CTDSPL2: variants seen among roughly 807,000 people sequenced by gnomAD.
CTDSPL2 encodes the protein CTD small phosphatase like 2.
A neutral mutation model predicts 60.0 loss-of-function variants in CTDSPL2; 5 were observed. That is an observed-to-expected ratio of 0.08 (90% CI 0.04 to 0.18). CTDSPL2 has a LOEUF of 0.18. CTDSPL2 is among the 10% of genes least tolerant of loss of function. The pLI is 1.00. For synonymous variants in CTDSPL2, 186 were observed against 189.3 expected, an observed-to-expected ratio of 0.98 and a Z score of 0.14; for missense variants, 370 against 548.8, an observed-to-expected ratio of 0.67 and a Z score of 3.26.
At chr15:44,439,121 ATAT>A (rs151096962) in intron 1 of CTDSPL2, among the ~76,000 whole-genome samples, 4,001 of 148,988 alleles carry the variant, frequency 0.027, 56 homozygotes, top group Middle Eastern at 0.035. Context: ...CCCAAGCTTT[ATAT>A]TATTATTATT....
intron 1 of CTDSPL2, among the ~76,000 whole-genome samples, chr15:44,444,751 G>A (rs572390292): frequency 2.6e-4 from 35 of 133,924 alleles, no homozygotes; most frequent in African/African-American, 8.8e-4. Context: ...TTTTTTTGGC[G>A]TTTAGATATA....
intron 5 of CTDSPL2, among the ~76,000 whole-genome samples, chr15:44,496,076 A>C (rs2140820849): frequency 6.6e-6 from 1 of 152,338 alleles, no homozygotes; most frequent in East Asian, 1.9e-4. Context: ...AACACCATAC[A>C]ATTAGAAGAT....
In CTDSPL2 at chr15:44,472,709, G is replaced by A. The variant is rs80211032; in HGVS notation, c.187-11515G>A. On this transcript the variant is annotated intron_variant, in intron 2 of 12. Coordinates refer to ENST00000260327, the MANE Select transcript of CTDSPL2 (RefSeq NM_016396.3). ...GAGACAGAGTCTCACTTTGTCACCC[G>A]CTGGAGTGCAGTGGCGCAGTCTCCA... 7.2e-5 allele frequency among the ~76,000 whole-genome samples: 11 copies of A among 152,166 alleles called. No individual in the cohort carries two copies. In the East Asian group the frequency reaches 9.7e-4, roughly 13 times the overall value.
intron 2 of CTDSPL2, among the ~76,000 whole-genome samples, chr15:44,478,689 T>G (rs563862565): frequency 2.0e-5 from 3 of 152,064 alleles, no homozygotes; most frequent in South Asian, 4.1e-4. Flanking sequence ...TTAGAACATG[T>G]CTTGGATTGA....
chr15:44,455,350 A>G (rs907139544), intron 1 of CTDSPL2, among the ~76,000 whole-genome samples: 11 of 152,304 alleles, frequency 7.2e-5, no homozygotes, highest in African/African-American at 1.9e-4. Context: ...TAAATATACA[A>G]TCATGTCATC....
rs883943 is a variant in CTDSPL2, at chr15:44,496,507, G to A, written c.770+49G>A. On this transcript the variant is annotated intron_variant, in intron 6 of 12. Coordinates refer to ENST00000260327, the MANE Select transcript of CTDSPL2 (RefSeq NM_016396.3). ...TTCTTTCCTTTTTGGAGCATGATGA[G>A]AGTACGTTATATATGTGGATTGGTG... is the stretch of plus-strand genomic sequence containing the variant. 62,347 of 1,376,696 alleles carry A rather than the reference G, an allele frequency of 0.045. 3,146 individuals carry two copies. Among genetic ancestry groups the A allele is most frequent in the East Asian group, 0.19 (8,275 of 43,690 alleles). The allele number at this position is 1,376,696 out of a possible 1,614,324, so 85.3% of individuals were successfully genotyped here.
At chr15:44,477,838 CAA>C (rs372324023) in intron 2 of CTDSPL2, among the ~76,000 whole-genome samples, 2 of 136,752 alleles carry the variant, frequency 1.5e-5, no homozygotes, top group Non-Finnish European at 1.6e-5. Context: ...AACGTAGTCT[CAA>C]AAAAAAAAAA....
chr15:44,473,573 G>A (rs2080854459), intron 2 of CTDSPL2, among the ~76,000 whole-genome samples: 1 of 152,066 alleles, frequency 6.6e-6, no homozygotes, highest in African/African-American at 2.4e-5. Flanking sequence ...GGGATTACAG[G>A]CGTGAACCAC....
chr15:44,496,562 C>A, intron 6 of CTDSPL2, 104 bp downstream of exon 6: 1 of 848,658 alleles, frequency 1.2e-6, no homozygotes, highest in South Asian at 1.5e-5. Context: ...AGATATGTGA[C>A]CTGTAGGTAT....
At chr15:44,465,372 A>G (rs2140720150) in intron 2 of CTDSPL2, among the ~76,000 whole-genome samples, 1 of 152,246 alleles carries the variant, frequency 6.6e-6, no homozygotes, top group East Asian at 1.9e-4. Context: ...TCTATTCTTA[A>G]CTAAATGATG....
chr15:44,491,635 C>G (rs980423014), intron 5 of CTDSPL2, among the ~76,000 whole-genome samples: 3 of 152,138 alleles, frequency 2.0e-5, no homozygotes, highest in African/African-American at 7.2e-5. Flanking sequence ...AGAAGGCCAT[C>G]TTCTTATTAG....
chr15:44,446,190 CT>C (rs1487308967), intron 1 of CTDSPL2, among the ~76,000 whole-genome samples: 1 of 152,208 alleles, frequency 6.6e-6, no homozygotes, highest in African/African-American at 2.4e-5. Flanking sequence ...TCCCAAAGTG[CT>C]GGGATTACAG....
chr15:44,435,093 C>T (rs1169616812), intron 1 of CTDSPL2, among the ~76,000 whole-genome samples: 1 of 151,952 alleles, frequency 6.6e-6, no homozygotes, highest in African/African-American at 2.4e-5. Context: ...AACCCTGTCT[C>T]TACTAAAAAT....
chr15:44,501,720 T>C (rs987840585), intron 8 of CTDSPL2, among the ~76,000 whole-genome samples: 1 of 152,198 alleles, frequency 6.6e-6, no homozygotes, highest in African/African-American at 2.4e-5. Context: ...TTATAAGCTA[T>C]AGAGATGATT....
intron 12 of CTDSPL2, among the ~76,000 whole-genome samples, chr15:44,522,498 A>C (rs1449913934): frequency 6.6e-6 from 1 of 152,100 alleles, no homozygotes; most frequent in African/African-American, 2.4e-5. Flanking sequence ...GATGCCTGTA[A>C]TCCCAGTACT....
At chr15:44,478,745 G>T (rs1048638165) in intron 2 of CTDSPL2, among the ~76,000 whole-genome samples, 2 of 152,108 alleles carry the variant, frequency 1.3e-5, no homozygotes, top group African/African-American at 4.8e-5. Context: ...ACTTTGGGAG[G>T]CCAAGGCAGG....
At chr15:44,466,275 C>T (rs1238958239) in intron 2 of CTDSPL2, among the ~76,000 whole-genome samples, 1 of 151,844 alleles carries the variant, frequency 6.6e-6, no homozygotes, top group Non-Finnish European at 1.5e-5. Context: ...GCCTTGGCCT[C>T]CCGTAATGGG....
chr15:44,521,534 C>A, intron 12 of CTDSPL2, 128 bp downstream of exon 12: 1 of 507,312 alleles, frequency 2.0e-6, no homozygotes. Context: ...TCACAGGTGC[C>A]ATCATAGGCG....
intron 1 of CTDSPL2, among the ~76,000 whole-genome samples, chr15:44,452,517 T>TA (rs1374255103): frequency 1.3e-5 from 2 of 152,096 alleles, no homozygotes; most frequent in African/African-American, 4.8e-5. Flanking sequence ...TTTGTAAAAA[T>TA]ATATTGTGAA....
Sources: allele counts gnomAD v4.1 joint callset (sites outside exome capture counted in the v4.1 genomes callset), GRCh38; gene constraint gnomAD v4.1.1; transcripts MANE v1.5; gene names NCBI Gene and HGNC (gene_info 2026-07-23, HGNC 2026-07-21).